Variants in BCAS1 observed in about 807,000 individuals in gnomAD.
BCAS1 encodes the protein breast carcinoma-amplified sequence 1.
BCAS1 carries 46 observed loss-of-function variants against 65.4 expected under a neutral mutation model. The observed-to-expected ratio is 0.70, with a 90% CI of 0.55 to 0.90. The LOEUF is 0.90. Among genes scored for constraint, BCAS1 ranks in the 40% least tolerant of loss-of-function variants. The pLI, the probability that BCAS1 is intolerant of heterozygous loss-of-function variation, is 0.00. For missense variants in BCAS1, 793 were observed against 771.2 expected (o/e 1.03, Z -0.33); for synonymous variants, 298 against 293.5 (o/e 1.02, Z -0.16).
chr20:54,008,927 C>T (rs888197317), intron 4 of BCAS1, among the ~76,000 whole-genome samples: 6 of 152,138 alleles, frequency 3.9e-5, no homozygotes, highest in African/African-American at 1.2e-4. Context: ...AATTCTCCTG[C>T]CTCAGCCTCC....
chr20:53,947,702 C>G (rs148748808), intron 12 of BCAS1, among the ~76,000 whole-genome samples: 108 of 152,274 alleles, frequency 7.1e-4, no homozygotes, highest in African/African-American at 2.5e-3. Context: ...TGTCCCCGAT[C>G]TCTGAACCCT....
At chr20:54,028,160 T>C (rs2091716668) in intron 4 of BCAS1, among the ~76,000 whole-genome samples, 1 of 152,216 alleles carries the variant, frequency 6.6e-6, no homozygotes, top group African/African-American at 2.4e-5. Flanking sequence ...TCACCTCCTC[T>C]TTTCTTTTAC....
chr20:54,054,279 A>G (rs1194644539), intron 3 of BCAS1, among the ~76,000 whole-genome samples: 2 of 152,160 alleles, frequency 1.3e-5, no homozygotes, highest in Non-Finnish European at 2.9e-5. Context: ...AATTGTTTTA[A>G]TTGTAATTTT....
intron 12 of BCAS1, among the ~76,000 whole-genome samples, chr20:53,951,357 G>T (rs2276515): frequency 0.21 from 31,217 of 152,078 alleles, 3,644 homozygotes; most frequent in African/African-American, 0.33. Context: ...TGTAATCCCA[G>T]CTACTCGGGA....
At chr20:53,956,943 G>T (rs150420833) in intron 11 of BCAS1, among the ~76,000 whole-genome samples, 198 of 152,254 alleles carry the variant, frequency 1.3e-3, no homozygotes, top group African/African-American at 4.5e-3. Flanking sequence ...TCTTTATTCT[G>T]TTCAAGACAT....
Position 53,995,912 on chromosome 20 carries a change from T to C in BCAS1, c.862A>G (p.Met288Val). 3.1e-6 allele frequency: 5 copies of C among 1,608,100 alleles called. No individual in the cohort carries two copies. The highest frequency in any genetic ancestry group is 4.2e-6 in the Non-Finnish European group (5 of 1,177,286). ...AAIAENNNSIMSFFKTLVSPN... is the reference protein window; with the variant it reads ...AAIAENNNSIVSFFKTLVSPN... ...CTTACCAGAGTTTTAAAGAAACTCA[T>C]GATGGAATTATTATTCTCTGCTATA... Residue 288 changes from methionine (M) to valine (V), a missense_variant, in exon 5 of 13, where the codon ATG (methionine) becomes GTG (valine). Coordinates refer to ENST00000688948, the MANE Select transcript of BCAS1 (RefSeq NM_001366298.2).
chr20:54,051,918 T>C (rs1444565372), intron 3 of BCAS1, among the ~76,000 whole-genome samples: 1 of 152,106 alleles, frequency 6.6e-6, no homozygotes, highest in East Asian at 1.9e-4. Context: ...TTTGTATTTT[T>C]AGTAGAGACG....
At chr20:54,068,187 G>C (rs1336309076) in intron 1 of BCAS1, among the ~76,000 whole-genome samples, 1 of 152,198 alleles carries the variant, frequency 6.6e-6, no homozygotes, top group Non-Finnish European at 1.5e-5. Context: ...GGGGTGCCTT[G>C]ATCAAAATCA....
chr20:54,026,955 TCTGTGTCTCGCCCTTCACTGTGGTCC>T (rs1427724189), intron 4 of BCAS1, among the ~76,000 whole-genome samples: 4 of 152,208 alleles, frequency 2.6e-5, no homozygotes, highest in African/African-American at 7.2e-5. Context: ...GGGCCGAGAC[TCTGTGTCTCGCCCTTCACTGTGGTCC>T]CTGTGCCTCA....
intron 3 of BCAS1, among the ~76,000 whole-genome samples, chr20:54,043,401 G>A (rs969131181): frequency 1.3e-5 from 2 of 152,030 alleles, no homozygotes; most frequent in Admixed American, 6.5e-5. Flanking sequence ...TCACACTATC[G>A]GAGGTTGCCA....
In BCAS1 at chr20:54,040,965, C is replaced by T. The variant is rs186445241; in HGVS notation, c.143-11993G>A. Among the ~76,000 whole-genome samples, 16 of 151,444 alleles carry T rather than the reference C, an allele frequency of 1.1e-4. 2 individuals carry two copies. Among genetic ancestry groups the T allele is most frequent in the Middle Eastern group, 3.4e-3 (1 of 290 alleles). On this transcript the variant is annotated intron_variant, in intron 3 of 12. Coordinates refer to ENST00000688948, the MANE Select transcript of BCAS1 (RefSeq NM_001366298.2). ...CATCAATTGGAAAAAGGAAATCTAG[C>T]ATTTGCATATAATAGAGTATTAATC... is the stretch of plus-strand genomic sequence containing the variant.
intron 3 of BCAS1, among the ~76,000 whole-genome samples, chr20:54,053,897 A>T (rs1235334418): frequency 1.3e-5 from 2 of 152,220 alleles, no homozygotes; most frequent in Non-Finnish European, 2.9e-5. Flanking sequence ...TTGGATGCCA[A>T]TGGTATTAGT....
At chr20:53,993,080 T>A (rs1184484417) in intron 6 of BCAS1, among the ~76,000 whole-genome samples, 1 of 152,212 alleles carries the variant, frequency 6.6e-6, no homozygotes, top group Non-Finnish European at 1.5e-5. Flanking sequence ...GCTGAATGTC[T>A]TTTAGTCTCA....
chr20:54,014,783 G>T (rs945413923), intron 4 of BCAS1, among the ~76,000 whole-genome samples: 1 of 152,130 alleles, frequency 6.6e-6, no homozygotes, highest in Non-Finnish European at 1.5e-5. Context: ...AATATCACGC[G>T]AGCACAGAGG....
chr20:54,016,440 T>C (rs1462518637), intron 4 of BCAS1, among the ~76,000 whole-genome samples: 1 of 152,256 alleles, frequency 6.6e-6, no homozygotes, highest in African/African-American at 2.4e-5. Context: ...TCACTTCAAA[T>C]ATTTGTCTTC....
intron 7 of BCAS1, among the ~76,000 whole-genome samples, chr20:53,986,760 G>T (rs1320505997): frequency 1.3e-5 from 2 of 152,084 alleles, no homozygotes; most frequent in African/African-American, 4.8e-5. Context: ...AGCTGGGCAT[G>T]GTGGCTTGCA....
intron 9 of BCAS1, among the ~76,000 whole-genome samples, chr20:53,969,001 C>T (rs956286143): frequency 3.9e-5 from 6 of 152,186 alleles, no homozygotes; most frequent in Non-Finnish European, 5.9e-5. Context: ...TTAATTCAAT[C>T]GCATTTCCGA....
chr20:53,946,895 C>T (rs1023172618), intron 12 of BCAS1, among the ~76,000 whole-genome samples: 23 of 151,070 alleles, frequency 1.5e-4, no homozygotes, highest in African/African-American at 1.7e-4. Context: ...TACATGATAT[C>T]GTATAATATG....
rs1318954557 is a variant in BCAS1 at position 53,944,890 on chromosome 20, A to G, written c.*32T>C. 1 of 1,597,948 alleles carries G rather than the reference A, an allele frequency of 6.3e-7. No homozygotes were observed. Among genetic ancestry groups the G allele is most frequent in the African/African-American group, 1.3e-5 (1 of 74,740 alleles). On this transcript the variant is annotated 3_prime_UTR_variant, in exon 13 of 13. Coordinates refer to ENST00000688948, the MANE Select transcript of BCAS1 (RefSeq NM_001366298.2). ...AGTAAGGAGAACACATCTTGGTGGC[A>G]GGAGAACCTGGTGGGAACCGTGCTG... is the stretch of plus-strand genomic sequence containing the variant.
Sources: allele counts gnomAD v4.1 joint callset (sites outside exome capture counted in the v4.1 genomes callset), GRCh38; gene constraint gnomAD v4.1.1; transcripts MANE v1.5; gene names NCBI Gene and HGNC (gene_info 2026-07-23, HGNC 2026-07-21).